The following FRYL variants were observed in gnomAD, a reference collection of about 807,000 sequenced individuals.
The protein encoded by FRYL is FRY like transcription coactivator, also known as protein furry homolog-like.
A neutral mutation model predicts 351.2 loss-of-function variants in FRYL; 150 were observed. The ratio of observed to expected loss-of-function variants is 0.43; its 90% CI spans 0.37 to 0.49. The LOEUF (loss-of-function observed/expected upper bound fraction) is 0.49. FRYL is among the 20% of genes least tolerant of loss of function. The probability of loss-of-function intolerance (pLI) is 0.00; values close to 1 mark genes in which losing one functional copy is unlikely to be tolerated. For synonymous variants in FRYL, 1,153 were observed against 1,257.1 expected, an observed-to-expected ratio of 0.92 and a Z score of 1.75; for missense variants, 3,036 against 3,619.3, an observed-to-expected ratio of 0.84 and a Z score of 4.13.
intron 43 of FRYL, 56 bp from the exon 44 acceptor site, chr4:48,544,053 G>C (rs1416155379): frequency 1.4e-6 from 2 of 1,448,630 alleles, no homozygotes; most frequent in Non-Finnish European, 1.9e-6. Flanking sequence ...TACTAATGGG[G>C]TTATAATCAG....
rs377195520 is a variant in FRYL at position 48,501,784 on chromosome 4, A to C, written c.8482-51T>G. ...ATTTAGGTGTTATTTTCTAGACAGC[A>C]TATTTCCAATGGAAATTTATAGTTA... is the stretch of plus-strand genomic sequence containing the variant. On this transcript the variant is annotated intron_variant, in intron 61 of 63. Coordinates refer to ENST00000358350, the MANE Select transcript of FRYL (RefSeq NM_015030.2). 3.4e-5 allele frequency: 35 copies of C among 1,034,448 alleles called. No individual in the cohort carries two copies. The African/African-American group carries it at 4.2e-4, about 12-fold the overall frequency. 64.1% of individuals were successfully genotyped at this position (1,034,448 alleles called of 1,614,324 possible). A position where few individuals can be genotyped will look rare whatever the true frequency, so the allele number is the denominator to read the frequency against.
Position 48,527,458 on chromosome 4 carries a change from A to G in FRYL, c.7317+19T>C. Reference sequence around the variant, plus strand: ...ACAACTGTTCTATAAATATTAACAGAGAAAGCCCACATCCTTACCTCTGCA... The same window carrying G: ...ACAACTGTTCTATAAATATTAACAGGGAAAGCCCACATCCTTACCTCTGCA... On this transcript the variant is annotated intron_variant, in intron 53 of 63. Transcript: ENST00000358350. The G allele has an allele frequency of 6.3e-7, 1 of 1,591,004 alleles. No homozygotes were observed. The highest frequency in any genetic ancestry group is 8.6e-7 in the Non-Finnish European group (1 of 1,165,464).
intron 45 of FRYL, 30 bp from the exon 46 acceptor site, chr4:48,540,990 A>G (rs76637950): frequency 0.056 from 81,809 of 1,470,106 alleles, 2,620 homozygotes; most frequent in Non-Finnish European, 0.066. Context: ...AGATGAATGC[A>G]TACCCAGTCA....
intron 1 of FRYL, among the ~76,000 whole-genome samples, chr4:48,761,141 C>G (rs1774382735): frequency 6.6e-6 from 1 of 150,882 alleles, no homozygotes. Flanking sequence ...ATTTGAGATC[C>G]CTGTATATAA....
At chr4:48,601,083 G>A (rs1411492027) in intron 13 of FRYL, among the ~76,000 whole-genome samples, 3 of 152,108 alleles carry the variant, frequency 2.0e-5, no homozygotes, top group Admixed American at 6.6e-5. Context: ...GATCATTCCT[G>A]AAATATGAAA....
At chr4:48,664,152 T>G (rs1761326998) in intron 3 of FRYL, among the ~76,000 whole-genome samples, 1 of 152,162 alleles carries the variant, frequency 6.6e-6, no homozygotes, top group African/African-American at 2.4e-5. Flanking sequence ...GCTCTTCCAT[T>G]TACCTGAAAT....
chr4:48,571,415 G>A (rs1247835637), intron 26 of FRYL, among the ~76,000 whole-genome samples: 2 of 152,138 alleles, frequency 1.3e-5, no homozygotes, highest in East Asian at 1.9e-4. Flanking sequence ...AAATATGTTT[G>A]TATTACTAGG....
chr4:48,580,682 C>A, intron 22 of FRYL, 183 bp downstream of exon 22: 2 of 469,528 alleles, frequency 4.3e-6, no homozygotes, highest in Non-Finnish European at 7.5e-6. Flanking sequence ...AGTACTTAAC[C>A]AAGTATAAAT....
In FRYL at chr4:48,499,580, T is replaced by G; in HGVS notation, c.8884A>C (p.Ser2962Arg). 6.2e-7 allele frequency: 1 copy of G among 1,614,158 alleles called. No individual in the cohort carries two copies. Among genetic ancestry groups the G allele is most frequent in the Non-Finnish European group, 8.5e-7 (1 of 1,179,990 alleles). Residue 2962 changes from serine to arginine, a missense_variant, in exon 64 of 64, where the codon AGC (serine) becomes CGC (arginine). Physicochemically the swap from Ser to Arg is moderately radical, Grantham distance 110. Coordinates refer to ENST00000358350, the MANE Select transcript of FRYL (RefSeq NM_015030.2). ...FHHQTLGQTG[S>R]FAVIGSNLDM... ...AGGTTAGAGCCTATAACTGCAAAGCTTCCTGTCTGGCCCAGCGTCTGATGA... is the reference window on the plus strand; with the variant it reads ...AGGTTAGAGCCTATAACTGCAAAGCGTCCTGTCTGGCCCAGCGTCTGATGA...
chr4:48,515,138 T>C lies in FRYL; in HGVS notation c.7827A>G (p.Leu2609=), dbSNP rs751545812. ...CTGACTCGGGGTAACTTTCAGGAGC[T>C]AGAGGCTCTGGCATTTCAGTTTCTT... ...DLEETEMPEP[L]APESYPESVC... Residue 2609 remains leucine, a synonymous_variant, in exon 56 of 64, where the codon CTA becomes CTG. Transcript: ENST00000358350. 1.9e-6 allele frequency: 3 copies of C among 1,614,038 alleles called. No homozygotes were observed. The highest frequency in any genetic ancestry group is 2.5e-6 in the Non-Finnish European group (3 of 1,179,924).
chr4:48,775,491 C>T (rs1775922134), intron 1 of FRYL, among the ~76,000 whole-genome samples: 1 of 152,026 alleles, frequency 6.6e-6, no homozygotes, highest in Non-Finnish European at 1.5e-5. Context: ...TATTTAGGAT[C>T]CTTTGGAAAC....
In FRYL at chr4:48,536,062, G is replaced by A. The variant is rs115243914; in HGVS notation, c.6394-235C>T. 2.7e-3 allele frequency among the ~76,000 whole-genome samples: 412 copies of A among 152,252 alleles called. 3 individuals carry two copies. Among genetic ancestry groups the A allele is most frequent in the African/African-American group, 9.0e-3 (374 of 41,544 alleles). On this transcript the variant is annotated intron_variant, in intron 47 of 63. Coordinates refer to ENST00000358350, the MANE Select transcript of FRYL (RefSeq NM_015030.2). The stretch of plus-strand genomic sequence containing the variant: ...TGTCTTTGTGGGTACTAAATAGTAC[G>A]GCCTTCTTCAGTCTGAAGATCTGTA...
chr4:48,634,378 T>C lies in FRYL; in HGVS notation c.33A>G (p.Lys11=). Reference sequence around the variant, plus strand: ...GGCTCTTGATGACATATTCACCAGGTTTGACATCTGGGTCAATCGTAATGT... The same window carrying C: ...GGCTCTTGATGACATATTCACCAGGCTTGACATCTGGGTCAATCGTAATGT... The part of the protein sequence containing the change: MSNITIDPDV[K]PGEYVIKSLF... Residue 11 remains lysine, a synonymous_variant, in exon 4 of 64, where the codon AAA becomes AAG. Coordinates refer to ENST00000358350, the MANE Select transcript of FRYL (RefSeq NM_015030.2). The C allele has an allele frequency of 6.2e-7, 1 of 1,613,524 alleles. No homozygotes were observed. Among genetic ancestry groups the C allele is most frequent in the Non-Finnish European group, 8.5e-7 (1 of 1,179,536 alleles).
intron 3 of FRYL, among the ~76,000 whole-genome samples, chr4:48,652,296 T>TA (rs962062709): frequency 8.5e-5 from 13 of 152,352 alleles, no homozygotes; most frequent in Non-Finnish European, 1.2e-4. Context: ...ATTCTCACTA[T>TA]AAAACTGTCT....
intron 53 of FRYL, among the ~76,000 whole-genome samples, chr4:48,526,843 C>T (rs1257683953): frequency 6.6e-6 from 1 of 152,100 alleles, no homozygotes; most frequent in Non-Finnish European, 1.5e-5. Flanking sequence ...AAGAGAAACG[C>T]TTTGAGTATT....
In FRYL at chr4:48,740,358, G is replaced by A. The variant is rs9685193; in HGVS notation, c.-383-29660C>T. Among the ~76,000 whole-genome samples, 469 of 142,166 alleles carry A rather than the reference G, an allele frequency of 3.3e-3. 1 individual carries two copies. Among genetic ancestry groups the A allele is most frequent in the African/African-American group, 0.012 (444 of 37,412 alleles). 93.3% of individuals were successfully genotyped at this position (142,166 alleles called of 152,430 possible). A position where few individuals can be genotyped will look rare whatever the true frequency, so the allele number is the denominator to read the frequency against. ...CACCCAGGCTGGAATGCAGTGACGC[G>A]ATTTCTGCTCACCGCAACTTCCACC... is the stretch of plus-strand genomic sequence containing the variant. On this transcript the variant is annotated intron_variant, in intron 1 of 63. Coordinates refer to ENST00000358350, the MANE Select transcript of FRYL (RefSeq NM_015030.2).
intron 26 of FRYL, among the ~76,000 whole-genome samples, chr4:48,572,292 G>A (rs534959047): frequency 6.7e-4 from 102 of 152,252 alleles, no homozygotes; most frequent in African/African-American, 2.3e-3. Flanking sequence ...AGCTCCCCAG[G>A]TAACTCTCAG....
At chr4:48,613,364 A>G (rs1450757978) in intron 7 of FRYL, among the ~76,000 whole-genome samples, 1 of 152,156 alleles carries the variant, frequency 6.6e-6, no homozygotes, top group Non-Finnish European at 1.5e-5. Flanking sequence ...ATTATCCATA[A>G]TATCAGGTAC....
chr4:48,576,084 A>C lies in FRYL; in HGVS notation c.2667T>G (p.Ser889=). ...GGGTAGACGCCAGCGTCTCAGGAGG[A>C]GAACATCTCACAGAACCTGCAGATG... The part of the protein sequence containing the change: ...SSTSAGSVRC[S]PPETLASTPD... The change falls in exon 24 of 64, where the codon TCT becomes TCG. Residue 889 remains serine, a synonymous_variant. Transcript: ENST00000358350. The C allele has an allele frequency of 1.9e-6, 3 of 1,613,802 alleles. No individual in the cohort carries two copies. The highest frequency in any genetic ancestry group is 2.5e-6 in the Non-Finnish European group (3 of 1,179,866).
Sources: gnomAD v4.1 joint callset for allele counts (sites outside exome capture counted in the v4.1 genomes callset) on GRCh38, gnomAD v4.1.1 for gene constraint, MANE v1.5 for transcripts, NCBI Gene and HGNC (gene_info 2026-07-23, HGNC 2026-07-21) for gene names.